The following ALMS1 variants were observed in gnomAD, a reference collection of about 807,000 sequenced individuals.
ALMS1 encodes the protein centrosome-associated protein ALMS1.
Under a neutral mutation model 352.2 loss-of-function variants are expected in ALMS1, and 271 were observed. The observed-to-expected ratio is 0.77, with a 90% CI of 0.70 to 0.85. The LOEUF (loss-of-function observed/expected upper bound fraction) is 0.85, where lower values mean the gene tolerates loss of function less well. Among genes scored for constraint, ALMS1 ranks in the 40% least tolerant of loss-of-function variants. The probability of loss-of-function intolerance (pLI) is 0.00; values close to 1 mark genes in which losing one functional copy is unlikely to be tolerated. For missense variants in ALMS1, 5,445 were observed against 4,870.7 expected, an observed-to-expected ratio of 1.12 and a Z score of -3.51; for synonymous variants, 1,865 against 1,761.2, an observed-to-expected ratio of 1.06 and a Z score of -1.48.
Position 73,453,869 on chromosome 2 carries a change from C to G in ALMS1, c.7342C>G (p.Pro2448Ala). Reference protein sequence around the residue: ...SVSDVLLNFFPYVSPKTSITD... With the variant: ...SVSDVLLNFFAYVSPKTSITD... ...TTCTGATGTTCTTCTAAACTTCTTT[C>G]CATATGTTTCACCCAAGACAAGTAT... is the stretch of plus-strand genomic sequence containing the variant. The change falls in exon 8 of 23, where the codon CCA (proline) becomes GCA (alanine). Residue 2448 changes from proline to alanine, a missense_variant. By Grantham distance (27) the Pro-to-Ala change is conservative (BLOSUM62 -1). Transcript: ENST00000613296. 6.2e-7 allele frequency: 1 copy of G among 1,614,072 alleles called. No homozygotes were observed. Among genetic ancestry groups the G allele is most frequent in the Non-Finnish European group, 8.5e-7 (1 of 1,179,984 alleles).
intron 2 of ALMS1, among the ~76,000 whole-genome samples, chr2:73,412,215 G>T (rs554999415): frequency 6.6e-6 from 1 of 152,258 alleles, no homozygotes; most frequent in African/African-American, 2.4e-5. Context: ...AAAAAGGAAC[G>T]TCACAAAAAG....
intron 15 of ALMS1, among the ~76,000 whole-genome samples, chr2:73,564,737 G>A (rs1381067943): frequency 6.6e-6 from 1 of 152,114 alleles, no homozygotes; most frequent in Non-Finnish European, 1.5e-5. Context: ...AAATTCCCAT[G>A]TAAAGTAGGC....
chr2:73,506,331 A>G (rs1377406531), intron 10 of ALMS1, among the ~76,000 whole-genome samples: 1 of 152,176 alleles, frequency 6.6e-6, no homozygotes, highest in Non-Finnish European at 1.5e-5. Context: ...GAAGAAAGTC[A>G]ATGGTAGCTT....
intron 1 of ALMS1, among the ~76,000 whole-genome samples, chr2:73,406,491 T>G (rs1056116708): frequency 1.4e-4 from 21 of 151,870 alleles, no homozygotes; most frequent in African/African-American, 5.1e-4. Context: ...GTTTTTCATT[T>G]CCTCCCCTTC....
chr2:73,588,578 T>C (rs990566702), intron 16 of ALMS1, among the ~76,000 whole-genome samples: 1 of 152,146 alleles, frequency 6.6e-6, no homozygotes, highest in African/African-American at 2.4e-5. Context: ...TGTCTTCTGG[T>C]GGGGGAGAAG....
At position 73,465,130 on chromosome 2, in the gene ALMS1, G is replaced by A. The variant is rs565975250; in HGVS notation, c.7674+9835G>A. Among the ~76,000 whole-genome samples the A allele has an allele frequency of 2.2e-3, 322 of 148,768 alleles. 1 individual carries two copies. The highest frequency in any genetic ancestry group is 7.8e-3 in the African/African-American group (301 of 38,530). ...GGTGACTTTCTTCACAGAATTGGAA[G>A]AAACTACTTTAAAGTTCATATGGAA... On this transcript the variant is annotated intron_variant, in intron 9 of 22. Coordinates refer to ENST00000613296, the MANE Select transcript of ALMS1 (RefSeq NM_001378454.1).
chr2:73,550,013 C>T (rs1415391480), intron 12 of ALMS1, among the ~76,000 whole-genome samples: 1 of 152,146 alleles, frequency 6.6e-6, no homozygotes, highest in Non-Finnish European at 1.5e-5. Flanking sequence ...GCACCTGCCA[C>T]CACGCCTGGC....
At chr2:73,530,778 C>A (rs1377224710) in intron 11 of ALMS1, among the ~76,000 whole-genome samples, 3 of 152,228 alleles carry the variant, frequency 2.0e-5, no homozygotes, top group African/African-American at 4.8e-5. Context: ...GGTGGAGGCT[C>A]CCAAAGTTCA....
At chr2:73,541,349 A>C (rs1017621153) in intron 12 of ALMS1, among the ~76,000 whole-genome samples, 2 of 152,212 alleles carry the variant, frequency 1.3e-5, no homozygotes, top group African/African-American at 4.8e-5. Flanking sequence ...AACATACCAC[A>C]ATCTCTGGAA....
At chr2:73,486,063 G>A (rs1358588816) in intron 9 of ALMS1, among the ~76,000 whole-genome samples, 4 of 152,086 alleles carry the variant, frequency 2.6e-5, no homozygotes, top group Non-Finnish European at 4.4e-5. Context: ...GCTGTAGACC[G>A]GAGCTGTTCC....
chr2:73,558,996 A>G lies in ALMS1; in HGVS notation c.10238A>G (p.Glu3413Gly), dbSNP rs184779459. The G allele has an allele frequency of 1.8e-4, 290 of 1,614,018 alleles. 2 individuals carry two copies. The East Asian group carries it at 4.5e-3, about 25-fold the overall frequency. Reference protein sequence around the residue: ...TADSSAAAAAEHSAQVGDPEM... With the variant: ...TADSSAAAAAGHSAQVGDPEM... ...GATTCCAGTGCTGCTGCTGCTGCAGAGCACTCAGCTCAAGTAGGAGACCCA... is the reference window on the plus strand; with the variant it reads ...GATTCCAGTGCTGCTGCTGCTGCAGGGCACTCAGCTCAAGTAGGAGACCCA... Residue 3413 changes from glutamate to glycine, a missense_variant, in exon 15 of 23, where the codon GAG becomes GGG. Physicochemically the swap from Glu to Gly is moderately conservative, Grantham distance 98. Coordinates refer to ENST00000613296, the MANE Select transcript of ALMS1 (RefSeq NM_001378454.1).
intron 10 of ALMS1, 113 bp from the exon 11 acceptor site, chr2:73,519,662 A>G (rs941348018): frequency 1.4e-6 from 2 of 1,416,506 alleles, no homozygotes; most frequent in Non-Finnish European, 2.0e-6. Flanking sequence ...TGATGTGTCC[A>G]CAATATATTC....
intron 12 of ALMS1, among the ~76,000 whole-genome samples, chr2:73,541,185 G>T (rs1188582377): frequency 2.0e-5 from 3 of 152,202 alleles, no homozygotes; most frequent in Non-Finnish European, 4.4e-5. Context: ...TCAGACCACA[G>T]TGCAATCAAA....
chr2:73,511,928 CG>C (rs1673461856), intron 10 of ALMS1, among the ~76,000 whole-genome samples: 1 of 152,070 alleles, frequency 6.6e-6, no homozygotes, highest in Admixed American at 6.5e-5. Flanking sequence ...TTGAGTTGTA[CG>C]TAAGTATATG....
chr2:73,573,760 T>A (rs903589682), intron 16 of ALMS1, among the ~76,000 whole-genome samples: 9 of 152,050 alleles, frequency 5.9e-5, no homozygotes, highest in African/African-American at 2.2e-4. Context: ...TTGGGTTTTT[T>A]TTTTTTAATT....
intron 16 of ALMS1, among the ~76,000 whole-genome samples, chr2:73,596,551 A>T (rs1675553076): frequency 6.6e-6 from 1 of 150,618 alleles, no homozygotes. Context: ...GGCACACTGC[A>T]ACCTTTGCCT....
chr2:73,424,761 C>G lies in ALMS1; in HGVS notation c.1096C>G (p.Gln366Glu), dbSNP rs887270267. ...TGAAAACAATTTAGCTGATAAAGAT[C>G]AAGTTTCAGTTGCAACTTCATTTGA... ...WPENNLADKD[Q>E]VSVATSFDIT... Residue 366 changes from glutamine (Q) to glutamate (E), a missense_variant, in exon 5 of 23, where the codon CAA (glutamine) becomes GAA (glutamate). Gln to Glu is a conservative substitution (Grantham distance 29, BLOSUM62 2). Transcript: ENST00000613296. 2 of 1,613,704 alleles carry G rather than the reference C, an allele frequency of 1.2e-6. No homozygotes were observed. The highest frequency in any genetic ancestry group is 1.3e-5 in the African/African-American group (1 of 74,898).
intron 16 of ALMS1, among the ~76,000 whole-genome samples, chr2:73,579,060 A>ATTTTTTTTTTTTTTTTTT (rs1675113474): frequency 1.3e-5 from 1 of 79,534 alleles, no homozygotes; most frequent in African/African-American, 1.0e-4. Flanking sequence ...TTTCTCCTTT[A>ATTTTTTTTTTTTTTTTTT]TTCTTTTTTT....
rs116199947 is a variant in ALMS1 at position 73,567,445 on chromosome 2, G to A, written c.10385-4817G>A. 3.4e-3 allele frequency among the ~76,000 whole-genome samples: 521 copies of A among 152,240 alleles called. 2 individuals are homozygous for A. Among genetic ancestry groups the A allele is most frequent in the Non-Finnish European group, 6.0e-3 (411 of 68,028 alleles). ...AATTACAAGAGTTTTAGTAGTTCTG[G>A]CCAGGAGCTAGGGTTAAGGCAAAAT... On this transcript the variant is annotated intron_variant, in intron 15 of 22. Transcript: ENST00000613296.
Sources: gnomAD v4.1 joint callset for allele counts (sites outside exome capture counted in the v4.1 genomes callset) on GRCh38, gnomAD v4.1.1 for gene constraint, MANE v1.5 for transcripts, NCBI Gene and HGNC (gene_info 2026-07-23, HGNC 2026-07-21) for gene names.